PARP14: variants seen among roughly 807,000 people sequenced by gnomAD.
PARP14 encodes the protein protein mono-ADP-ribosyltransferase PARP14.
Under a neutral mutation model 154.2 loss-of-function variants are expected in PARP14, and 59 were observed. That is an observed-to-expected ratio of 0.38 (90% CI 0.31 to 0.48). The LOEUF is 0.48. Ranked by LOEUF, PARP14 falls within the 20% of genes least tolerant of loss-of-function variation. The pLI is 0.98. For missense variants in PARP14, 1,734 were observed against 2,131.6 expected, an observed-to-expected ratio of 0.81 and a Z score of 3.67; for synonymous variants, 720 against 780.5, an observed-to-expected ratio of 0.92 and a Z score of 1.29.
chr3:122,712,240 C>CT (rs55876947), intron 9 of PARP14, among the ~76,000 whole-genome samples: 83 of 138,352 alleles, frequency 6.0e-4, no homozygotes, highest in Non-Finnish European at 1.1e-3. Flanking sequence ...GGATTCACAT[C>CT]TTTTTTTTTT....
chr3:122,720,419 A>G (rs778868507), intron 15 of PARP14, 31 bp downstream of exon 15: 25 of 1,603,560 alleles, frequency 1.6e-5, no homozygotes, highest in East Asian at 2.2e-5. Flanking sequence ...CAGTTTCTGG[A>G]TGGTGGAAAT....
chr3:122,706,911 C>T (rs1409902798), intron 8 of PARP14, among the ~76,000 whole-genome samples: 1 of 152,082 alleles, frequency 6.6e-6, no homozygotes, highest in African/African-American at 2.4e-5. Context: ...AGCCCCTCCT[C>T]TTTTGGTACA....
In PARP14 at chr3:122,680,922, C is replaced by G. The variant is rs768190668; in HGVS notation, c.39C>G (p.Gly13=). 4.0e-5 allele frequency: 64 copies of G among 1,611,916 alleles called. No homozygotes were observed. Among genetic ancestry groups the G allele is most frequent in the Non-Finnish European group, 4.9e-5 (58 of 1,179,142 alleles). The change falls in exon 1 of 17, where the codon GGC becomes GGG. Residue 13 remains glycine (G), a synonymous_variant. Coordinates refer to ENST00000474629, the MANE Select transcript of PARP14 (RefSeq NM_017554.3). Reference sequence around the variant, plus strand: ...GCTCCTTCCCGCTGCTGGTCGAGGGCTCCTGGGGCCCCGACCCCCCGAAGA... The same window carrying G: ...GCTCCTTCCCGCTGCTGGTCGAGGGGTCCTGGGGCCCCGACCCCCCGAAGA... ...VPGSFPLLVE[G]SWGPDPPKNL...
intron 1 of PARP14, among the ~76,000 whole-genome samples, chr3:122,683,958 A>G (rs1030065160): frequency 6.6e-5 from 10 of 152,182 alleles, no homozygotes; most frequent in African/African-American, 2.4e-4. Context: ...TTGGTTTAGT[A>G]AAGCCCTTCA....
rs539543597 is a variant in PARP14 at position 122,700,276 on chromosome 3, T to C, written c.1722T>C (p.Thr574=). ...CACTTTATGAGCTAGAGGGTACAAC[T>C]GTTCTCTTAACCAGCTGTTCTTCTG... ...ILALYELEGT[T]VLLTSCSSEA... Residue 574 remains threonine, a synonymous_variant, in exon 6 of 17, where the codon ACT becomes ACC. Coordinates refer to ENST00000474629, the MANE Select transcript of PARP14 (RefSeq NM_017554.3). 172 of 1,613,274 alleles carry C rather than the reference T, an allele frequency of 1.1e-4. No homozygotes were observed. In the South Asian group the frequency reaches 1.4e-3, roughly 13 times the overall value.
At chr3:122,683,950 G>A (rs900689393) in intron 1 of PARP14, among the ~76,000 whole-genome samples, 5 of 152,144 alleles carry the variant, frequency 3.3e-5, no homozygotes, top group Non-Finnish European at 7.4e-5. Flanking sequence ...TCCCCACCTT[G>A]GTTTAGTAAA....
rs1424898502 is a variant in PARP14 at position 122,680,864 on chromosome 3, G to T, written c.-20G>T. On this transcript the variant is annotated 5_prime_UTR_variant, in exon 1 of 17. Transcript: ENST00000474629. ...GGAGTTGGCGCGGCCCCTGCAGTCCGGCGGAGAGCGGAGCTGAGGATGGCT... is the reference window on the plus strand; with the variant it reads ...GGAGTTGGCGCGGCCCCTGCAGTCCTGCGGAGAGCGGAGCTGAGGATGGCT... 1 of 1,580,360 alleles carries T rather than the reference G, an allele frequency of 6.3e-7. No homozygotes were observed. The highest frequency in any genetic ancestry group is 8.6e-7 in the Non-Finnish European group (1 of 1,162,662).
intron 4 of PARP14, among the ~76,000 whole-genome samples, chr3:122,694,534 T>TTAC (rs1271051596): frequency 6.6e-6 from 1 of 152,080 alleles, no homozygotes; most frequent in African/African-American, 2.4e-5. Flanking sequence ...CCATCAATAC[T>TTAC]TATTATTATT....
chr3:122,698,081 A>C (rs1304684957), intron 5 of PARP14, among the ~76,000 whole-genome samples: 1 of 152,224 alleles, frequency 6.6e-6, no homozygotes, highest in Non-Finnish European at 1.5e-5. Context: ...GATGGTGCTC[A>C]GTAAGTTGGT....
rs1274225047 is a variant in PARP14 at position 122,703,940 on chromosome 3, G to T, written c.3280G>T (p.Ala1094Ser). 3.7e-6 allele frequency: 6 copies of T among 1,613,822 alleles called. No individual in the cohort carries two copies. Among genetic ancestry groups the T allele is most frequent in the Non-Finnish European group, 5.1e-6 (6 of 1,179,846 alleles). ...CTGTCGCTATGTGCTTCACGTGGTA[G>T]CTCCGGAGTGGAGAAATGGTAGCAC... Reference protein sequence around the residue: ...LDCRYVLHVVAPEWRNGSTSS... With the variant: ...LDCRYVLHVVSPEWRNGSTSS... The change falls in exon 7 of 17, where the codon GCT (alanine) becomes TCT (serine). Residue 1094 changes from alanine to serine, a missense_variant. Ala to Ser is a moderately conservative substitution (Grantham distance 99). Transcript: ENST00000474629.
chr3:122,727,931 C>G lies in PARP14; in HGVS notation c.5061C>G (p.Gly1687=), dbSNP rs1199650538. The G allele has an allele frequency of 6.2e-7, 1 of 1,613,874 alleles. No individual in the cohort carries two copies. The highest frequency in any genetic ancestry group is 8.5e-7 in the Non-Finnish European group (1 of 1,179,784). The part of the protein sequence containing the change: ...EKQLFHGTDA[G]SVPHVNRNGF... ...AACTCTTCCATGGGACAGATGCCGGCTCCGTGCCACACGTCAATCGAAATG... is the reference window on the plus strand; with the variant it reads ...AACTCTTCCATGGGACAGATGCCGGGTCCGTGCCACACGTCAATCGAAATG... Residue 1687 remains glycine (G), a synonymous_variant, in exon 16 of 17, where the codon GGC becomes GGG. Coordinates refer to ENST00000474629, the MANE Select transcript of PARP14 (RefSeq NM_017554.3).
At chr3:122,693,683 A>G (rs1938608772) in intron 4 of PARP14, among the ~76,000 whole-genome samples, 1 of 148,566 alleles carries the variant, frequency 6.7e-6, no homozygotes, top group African/African-American at 2.5e-5. Context: ...TACAAAAAAA[A>G]TACAAAAATT....
At chr3:122,690,826 T>C (rs1206237648) in intron 3 of PARP14, among the ~76,000 whole-genome samples, 1 of 152,236 alleles carries the variant, frequency 6.6e-6, no homozygotes, top group Non-Finnish European at 1.5e-5. Flanking sequence ...CACAAGTTTA[T>C]TTCTCCTTCG....
chr3:122,687,114 G>T lies in PARP14; in HGVS notation c.355+1G>T. 1.9e-6 allele frequency: 3 copies of T among 1,594,242 alleles called. No individual in the cohort carries two copies. The highest frequency in any genetic ancestry group is 2.6e-6 in the Non-Finnish European group (3 of 1,167,552). ...ACCAAAGAAGATGTTAAAGAACCAG[G>T]TAAAATCTCAGTTGAGATGACTCTG... On this transcript the variant is annotated splice_donor_variant, in intron 3 of 16. Coordinates refer to ENST00000474629, the MANE Select transcript of PARP14 (RefSeq NM_017554.3). LOFTEE classifies it high-confidence loss of function.
At chr3:122,696,067 T>C (rs1423223380) in intron 5 of PARP14, among the ~76,000 whole-genome samples, 1 of 152,214 alleles carries the variant, frequency 6.6e-6, no homozygotes, top group East Asian at 1.9e-4. Context: ...TACCACTCCT[T>C]TCACCTATTG....
intron 1 of PARP14, among the ~76,000 whole-genome samples, chr3:122,683,536 A>G (rs376971911): frequency 6.6e-6 from 1 of 152,228 alleles, no homozygotes; most frequent in African/African-American, 2.4e-5. Flanking sequence ...CTTTACCAAC[A>G]TAGTTTGGTT....
chr3:122,730,812 T>G lies in PARP14; in HGVS notation c.*2215T>G, dbSNP rs1933408675. 3 of 152,664 alleles carry G rather than the reference T, an allele frequency of 2.0e-5. No homozygotes were observed. In the South Asian group the frequency reaches 6.2e-4, roughly 32 times the overall value. The allele number at this position is 152,664 out of a possible 1,614,324, so 9.5% of individuals were successfully genotyped here. A position where few individuals can be genotyped will look rare whatever the true frequency, so the allele number is the denominator to read the frequency against. ...AATATGTCAACTGTCATTTTGCTAC[T>G]TTTCAAATAAAATACTTGAAAACTG... On this transcript the variant is annotated 3_prime_UTR_variant, in exon 17 of 17. Transcript: ENST00000474629.
Position 122,701,165 on chromosome 3 carries a change from A to G in PARP14, c.2611A>G (p.Lys871Glu). Residue 871 changes from lysine (K) to glutamate (E), a missense_variant, in exon 6 of 17, where the codon AAG becomes GAG. Physicochemically the swap from Lys to Glu is moderately conservative, Grantham distance 56. This residue lies in a region of PARP14 where 1,646 missense variants were observed against 1,976.0 expected (regional missense o/e 0.83). Coordinates refer to ENST00000474629, the MANE Select transcript of PARP14 (RefSeq NM_017554.3). This position sits in a 1 kb window ranked among gnomAD's most constrained non-coding sequence, Gnocchi z 4.0. ...CAATGCCACCATCTCCAAGGCAGGAAAGCTGCCCTACCACCACGTGATCCA... is the reference window on the plus strand; with the variant it reads ...CAATGCCACCATCTCCAAGGCAGGAGAGCTGCCCTACCACCACGTGATCCA... ...PGNATISKAG[K>E]LPYHHVIHAV... is the part of the protein sequence containing the mutation. 6.2e-7 allele frequency: 1 copy of G among 1,613,934 alleles called. No homozygotes were observed. The highest frequency in any genetic ancestry group is 1.1e-5 in the South Asian group (1 of 91,070).
chr3:122,703,191 T>C (rs2107645650), intron 6 of PARP14, among the ~76,000 whole-genome samples: 1 of 152,204 alleles, frequency 6.6e-6, no homozygotes, highest in African/African-American at 2.4e-5. Flanking sequence ...CTCTCTAATC[T>C]AGCCCGATTA....
Sources: gnomAD v4.1 joint callset for allele counts (sites outside exome capture counted in the v4.1 genomes callset) on GRCh38, gnomAD v4.1.1 for gene constraint, gnomAD v4.1.1 regional missense constraint, Gnocchi (gnomAD v3.1) non-coding constraint, MANE v1.5 for transcripts, NCBI Gene and HGNC (gene_info 2026-07-23, HGNC 2026-07-21) for gene names.